The following DENND2B variants were observed in gnomAD, a reference collection of about 807,000 sequenced individuals.
The protein encoded by DENND2B is DENN domain-containing protein 2B.
A neutral mutation model predicts 116.0 loss-of-function variants in DENND2B; 32 were observed. That is an observed-to-expected ratio of 0.28 (90% CI 0.21 to 0.37). DENND2B has a LOEUF of 0.37. Ranked by LOEUF, DENND2B falls within the 10% of genes least tolerant of loss-of-function variation. DENND2B has a pLI of 1.00. For missense variants in DENND2B, 1,276 were observed against 1,477.7 expected (o/e 0.86, Z 2.24); for synonymous variants, 588 against 583.9 (o/e 1.01, Z -0.10).
chr11:8,754,012 T>G lies in DENND2B; in HGVS notation c.-25-3287A>C, dbSNP rs2053079158. Reference sequence around the variant, plus strand: ...TTGGATTAGGCAATGGTTTCTTAGATATAACACCAAAAGCGCGCACACACA... The same window carrying G: ...TTGGATTAGGCAATGGTTTCTTAGAGATAACACCAAAAGCGCGCACACACA... On this transcript the variant is annotated intron_variant, in intron 1 of 19. Coordinates refer to ENST00000313726, the MANE Select transcript of DENND2B (RefSeq NM_213618.2). Among the ~76,000 whole-genome samples, 3 of 117,108 alleles carry G rather than the reference T, an allele frequency of 2.6e-5. No individual in the cohort carries two copies. The South Asian group carries it at 9.2e-4, about 36-fold the overall frequency. 76.8% of individuals were successfully genotyped at this position (117,108 alleles called of 152,430 possible). A position where few individuals can be genotyped will look rare whatever the true frequency, so the allele number is the denominator to read the frequency against.
In DENND2B at chr11:8,707,267, G is replaced by A; in HGVS notation, c.2431-42C>T. ...CAGCCCAAAGAGGAAGGGTGTCAGGGCACTGCCCTTCCCCCTCCTGGCAGA... is the reference window on the plus strand; with the variant it reads ...CAGCCCAAAGAGGAAGGGTGTCAGGACACTGCCCTTCCCCCTCCTGGCAGA... On this transcript the variant is annotated intron_variant, in intron 12 of 19. Coordinates refer to ENST00000313726, the MANE Select transcript of DENND2B (RefSeq NM_213618.2). This position sits in a 1 kb window ranked among gnomAD's most constrained non-coding sequence, Gnocchi z 4.8. 6.3e-7 allele frequency: 1 copy of A among 1,585,462 alleles called. No individual in the cohort carries two copies. Among genetic ancestry groups the A allele is most frequent in the Non-Finnish European group, 8.6e-7 (1 of 1,161,720 alleles).
At chr11:8,863,756 G>T (rs562691592) in intron 2 of DENND2B, among the ~76,000 whole-genome samples, 1 of 152,204 alleles carries the variant, frequency 6.6e-6, no homozygotes, top group South Asian at 2.1e-4. Flanking sequence ...TGCAAGTTGG[G>T]TTTTCTTTAT....
rs2045217036 is a variant in DENND2B at position 8,717,803 on chromosome 11, A to G, written c.1567T>C (p.Leu523=). ...CTCCACATCCTGTGCAAAGAGTCCAAGGAGTTCTCAGACAGTTGCTGGGAT... is the reference window on the plus strand; with the variant it reads ...CTCCACATCCTGTGCAAAGAGTCCAGGGAGTTCTCAGACAGTTGCTGGGAT... ...RKSQQLSENS[L]DSLHRMWSPQ... is the part of the protein sequence containing the mutation. Residue 523 remains leucine (L), a synonymous_variant, in exon 5 of 20, where the codon TTG becomes CTG. Transcript: ENST00000313726. The G allele has an allele frequency of 3.1e-6, 5 of 1,612,662 alleles. No individual in the cohort carries two copies. Among genetic ancestry groups the G allele is most frequent in the Admixed American group, 1.7e-5 (1 of 59,772 alleles).
chr11:8,698,166 A>AG (rs11381686), intron 16 of DENND2B, among the ~76,000 whole-genome samples: 6,352 of 128,380 alleles, frequency 0.049, 511 homozygotes, highest in South Asian at 0.07. Context: ...AAAAAAAAAA[A>AG]GGGGGTAGAG....
At chr11:8,859,682 C>G (rs2063329704) in intron 2 of DENND2B, among the ~76,000 whole-genome samples, 1 of 152,164 alleles carries the variant, frequency 6.6e-6, no homozygotes, top group South Asian at 2.1e-4. Context: ...CACTATACTT[C>G]CTTTTAAAAC....
chr11:8,705,661 C>T (rs1297317338), intron 13 of DENND2B, among the ~76,000 whole-genome samples: 2 of 141,278 alleles, frequency 1.4e-5, no homozygotes, highest in Admixed American at 7.0e-5. Flanking sequence ...CCTGCTTCTC[C>T]TTCACGAGCT....
intron 4 of DENND2B, among the ~76,000 whole-genome samples, chr11:8,720,887 G>A (rs985553592): frequency 6.6e-6 from 1 of 152,170 alleles, no homozygotes; most frequent in Non-Finnish European, 1.5e-5. Flanking sequence ...ATCCTAGGGA[G>A]GACAGAGCTA....
At chr11:8,759,503 T>G (rs1158316170) in intron 1 of DENND2B, among the ~76,000 whole-genome samples, 8 of 152,172 alleles carry the variant, frequency 5.3e-5, no homozygotes, top group Non-Finnish European at 2.9e-5. Flanking sequence ...TGAGAGAATT[T>G]CTGCTACATC....
intron 3 of DENND2B, among the ~76,000 whole-genome samples, chr11:8,856,663 T>G (rs1475027721): frequency 1.3e-5 from 2 of 152,126 alleles, no homozygotes; most frequent in Non-Finnish European, 2.9e-5. Context: ...GCTCCCCTGA[T>G]GGAAAGGCAG....
chr11:8,745,795 C>T (rs1269991106), intron 2 of DENND2B, among the ~76,000 whole-genome samples: 1 of 152,166 alleles, frequency 6.6e-6, no homozygotes, highest in East Asian at 1.9e-4. Flanking sequence ...AGGTGACGTG[C>T]AGGTGTTCCC....
Position 8,799,327 on chromosome 11 carries a change from T to A in DENND2B, c.-26+11190A>T, listed in dbSNP as rs560808978. Among the ~76,000 whole-genome samples, 38 of 152,296 alleles carry A rather than the reference T, an allele frequency of 2.5e-4. 2 individuals are homozygous for A. The South Asian group carries it at 7.9e-3, about 32-fold the overall frequency. On this transcript the variant is annotated intron_variant, in intron 1 of 19. Coordinates refer to ENST00000313726, the MANE Select transcript of DENND2B (RefSeq NM_213618.2). ...ACTCGGAAAGGACAGTGCTACCTGT[T>A]CCATTTATGTTTCAACCCAAAGGGA...
At chr11:8,766,634 T>C (rs1293197009) in intron 1 of DENND2B, 4 of 1,289,220 alleles carry the variant, frequency 3.1e-6, no homozygotes, top group Non-Finnish European at 4.0e-6. Context: ...TGCACGAAAA[T>C]ACCTTCTTTG....
intron 1 of DENND2B, among the ~76,000 whole-genome samples, chr11:8,908,437 T>C (rs1048630839): frequency 1.3e-5 from 2 of 152,198 alleles, no homozygotes; most frequent in Non-Finnish European, 2.9e-5. Context: ...CTAGCTAATA[T>C]TTATTGAGCA....
intron 1 of DENND2B, among the ~76,000 whole-genome samples, chr11:8,908,405 G>C (rs1228469862): frequency 6.6e-6 from 1 of 152,194 alleles, no homozygotes; most frequent in African/African-American, 2.4e-5. Context: ...GGGAGACCAG[G>C]CTGAAGCTTA....
chr11:8,851,957 C>A (rs1169719240), intron 3 of DENND2B, among the ~76,000 whole-genome samples: 1 of 151,938 alleles, frequency 6.6e-6, no homozygotes, highest in Non-Finnish European at 1.5e-5. Flanking sequence ...GGGGAAATGC[C>A]CCATTATCCC....
At chr11:8,779,608 G>A (rs1217562421) in intron 1 of DENND2B, among the ~76,000 whole-genome samples, 2 of 150,934 alleles carry the variant, frequency 1.3e-5, no homozygotes, top group Non-Finnish European at 2.9e-5. Context: ...TTACCTCCCG[G>A]GTTCAAGTGA....
upstream of DENND2B, among the ~76,000 whole-genome samples, chr11:8,812,433 T>TC (rs1364823880): frequency 2.0e-5 from 3 of 152,216 alleles, no homozygotes; most frequent in Non-Finnish European, 4.4e-5. Flanking sequence ...GCTCGTCTGT[T>TC]CAACATGACA....
At position 8,712,776 on chromosome 11, in the gene DENND2B, C is replaced by A; in HGVS notation, c.1988-41G>T. ...ACATCAGGGAATGGACCCTCACAGG[C>A]CTCATGTTAACTCCTCTACCCCTGG... is the stretch of plus-strand genomic sequence containing the variant. On this transcript the variant is annotated intron_variant, in intron 8 of 19. Transcript: ENST00000313726. The surrounding 1 kb of genome is among the most constrained non-coding windows in gnomAD (Gnocchi z 4.4). 6.3e-7 allele frequency: 1 copy of A among 1,575,148 alleles called. No homozygotes were observed. The highest frequency in any genetic ancestry group is 8.6e-7 in the Non-Finnish European group (1 of 1,161,442).
intron 4 of DENND2B, among the ~76,000 whole-genome samples, chr11:8,723,632 T>C (rs979597122): frequency 3.9e-5 from 6 of 152,128 alleles, no homozygotes; most frequent in Admixed American, 2.0e-4. Flanking sequence ...TGAGTAGAAC[T>C]GGGGTATGGG....
Sources: gnomAD v4.1 joint callset for allele counts (sites outside exome capture counted in the v4.1 genomes callset) on GRCh38, gnomAD v4.1.1 for gene constraint, Gnocchi (gnomAD v3.1) non-coding constraint, MANE v1.5 for transcripts, NCBI Gene and HGNC (gene_info 2026-07-23, HGNC 2026-07-21) for gene names.